The following CCDC170 variants were observed in gnomAD, a reference collection of about 807,000 sequenced individuals.
CCDC170 encodes coiled-coil domain containing 170, also known as coiled-coil domain-containing protein 170.
CCDC170 carries 69 observed loss-of-function variants against 72.6 expected under a neutral mutation model. The observed-to-expected ratio is 0.95, with a 90% CI of 0.78 to 1.16. The LOEUF is 1.16. Among genes scored for constraint, CCDC170 ranks in the 50% most tolerant of loss-of-function variants. The pLI is 0.00. For synonymous variants in CCDC170, 300 were observed against 303.9 expected (o/e 0.99, Z 0.13); for missense variants, 852 against 832.5 (o/e 1.02, Z -0.29).
chr6:151,541,886 ATTT>A (rs547158203), intron 3 of CCDC170, among the ~76,000 whole-genome samples: 2 of 137,156 alleles, frequency 1.5e-5, no homozygotes, highest in African/African-American at 2.8e-5. Flanking sequence ...ATATATATAT[ATTT>A]TTTTTTTTAA....
intron 5 of CCDC170, among the ~76,000 whole-genome samples, chr6:151,550,752 C>T (rs1453763738): frequency 6.6e-6 from 1 of 152,174 alleles, no homozygotes; most frequent in Non-Finnish European, 1.5e-5. Flanking sequence ...ATGTAGATGG[C>T]TGCCTTCTCC....
intron 6 of CCDC170, among the ~76,000 whole-genome samples, chr6:151,574,838 G>T (rs759721257): frequency 2.0e-4 from 31 of 152,174 alleles, no homozygotes; most frequent in Non-Finnish European, 4.1e-4. Flanking sequence ...TTGTTATAAA[G>T]ATCTTAACTC....
At chr6:151,612,422 A>T (rs765476810) in intron 9 of CCDC170, among the ~76,000 whole-genome samples, 2 of 152,202 alleles carry the variant, frequency 1.3e-5, no homozygotes, top group Non-Finnish European at 2.9e-5. Flanking sequence ...TTTTATTATC[A>T]TCAGTAAAAA....
chr6:151,519,435 G>A (rs369318032), intron 1 of CCDC170, among the ~76,000 whole-genome samples: 4 of 152,168 alleles, frequency 2.6e-5, no homozygotes, highest in East Asian at 3.9e-4. Context: ...TCTTTTTCAA[G>A]GTGCACTGAT....
At chr6:151,567,720 C>G (rs937603522) in intron 5 of CCDC170, among the ~76,000 whole-genome samples, 1 of 152,244 alleles carries the variant, frequency 6.6e-6, no homozygotes, top group African/African-American at 2.4e-5. Context: ...ACATCTGTAG[C>G]CTGTTCCTTC....
chr6:151,586,092 A>G lies in CCDC170; in HGVS notation c.1293+3A>G, dbSNP rs200680054. ...ACTTGAATTTTGAGAAACAAAAAGTAATGACCCGAGGGCATGTCCATGAGT... is the reference window on the plus strand; with the variant it reads ...ACTTGAATTTTGAGAAACAAAAAGTGATGACCCGAGGGCATGTCCATGAGT... On this transcript the variant is annotated splice_donor_region_variant and intron_variant, in intron 7 of 10. Transcript: ENST00000239374. 5.9e-4 allele frequency: 953 copies of G among 1,613,964 alleles called. No individual in the cohort carries two copies. Among genetic ancestry groups the G allele is most frequent in the Non-Finnish European group, 7.1e-4 (838 of 1,179,894 alleles).
rs1213267537 is a variant in CCDC170 at position 151,572,649 on chromosome 6, G to GTTTTTTTTTTTTTTTTTTTTTTTT, written c.775-505_775-504insTTTTTTTTTTTTTTTTTTTTTTTT. Among the ~76,000 whole-genome samples, 62 of 37,966 alleles carry GTTTTTTTTTTTTTTTTTTTTTTTT rather than the reference G, an allele frequency of 1.6e-3. 7 individuals carry two copies. Among genetic ancestry groups the GTTTTTTTTTTTTTTTTTTTTTTTT allele is most frequent in the African/African-American group, 5.8e-3 (47 of 8,148 alleles). The allele number at this position is 37,966 out of a possible 152,430, so 24.9% of individuals were successfully genotyped here. A position where few individuals can be genotyped will look rare whatever the true frequency, so the allele number is the denominator to read the frequency against. On this transcript the variant is annotated intron_variant, in intron 5 of 10. Transcript: ENST00000239374. The stretch of plus-strand genomic sequence containing the variant: ...TTTATATTTTATATCCCTTCTCTGT[G>GTTTTTTTTTTTTTTTTTTTTTTTT]TTTTTTTTTTTTTTTTTTTTGATGG...
At chr6:151,526,601 C>T (rs1417883265) in intron 1 of CCDC170, among the ~76,000 whole-genome samples, 7 of 151,394 alleles carry the variant, frequency 4.6e-5, no homozygotes, top group Non-Finnish European at 7.4e-5. Context: ...CTGCAAACTC[C>T]GCCTCCTGGG....
intron 5 of CCDC170, among the ~76,000 whole-genome samples, chr6:151,560,132 G>C (rs1427075053): frequency 6.6e-6 from 1 of 152,040 alleles, no homozygotes; most frequent in Non-Finnish European, 1.5e-5. Flanking sequence ...TACTTTTGCT[G>C]TATCCCAGAG....
chr6:151,574,820 G>GA (rs997531746), intron 6 of CCDC170, among the ~76,000 whole-genome samples: 2 of 152,202 alleles, frequency 1.3e-5, no homozygotes, highest in East Asian at 1.9e-4. Flanking sequence ...TGTATTGAAT[G>GA]AAAAAAATTG....
At chr6:151,539,483 G>A (rs1320183533) in intron 3 of CCDC170, among the ~76,000 whole-genome samples, 3 of 152,074 alleles carry the variant, frequency 2.0e-5, no homozygotes, top group Admixed American at 6.6e-5. Flanking sequence ...ACATGCCTAG[G>A]TTTTTTCTTT....
chr6:151,580,766 A>G (rs180914777), intron 6 of CCDC170, among the ~76,000 whole-genome samples: 2 of 152,164 alleles, frequency 1.3e-5, no homozygotes, highest in East Asian at 3.9e-4. Flanking sequence ...CAGGTGGTCT[A>G]ACCTTCCTCA....
rs547768260 is a variant in CCDC170, at chr6:151,553,655, G to A, written c.774+5166G>A. Reference sequence around the variant, plus strand: ...TTATATAAGTGTCTTCACTTGTAATGACTGATGCAATGTTGTTCAGACTTT... The same window carrying A: ...TTATATAAGTGTCTTCACTTGTAATAACTGATGCAATGTTGTTCAGACTTT... On this transcript the variant is annotated intron_variant, in intron 5 of 10. Coordinates refer to ENST00000239374, the MANE Select transcript of CCDC170 (RefSeq NM_025059.4). 2.1e-3 allele frequency among the ~76,000 whole-genome samples: 316 copies of A among 152,136 alleles called. 4 individuals are homozygous for A. Among genetic ancestry groups the A allele is most frequent in the African/African-American group, 7.4e-3 (307 of 41,502 alleles).
chr6:151,535,747 G>GT (rs1158790474), intron 1 of CCDC170, among the ~76,000 whole-genome samples: 4 of 151,744 alleles, frequency 2.6e-5, no homozygotes, highest in Admixed American at 6.6e-5. Flanking sequence ...ATCTTTTTTT[G>GT]TTTTTTTGTT....
chr6:151,606,373 G>A (rs1266960757), intron 9 of CCDC170, among the ~76,000 whole-genome samples: 1 of 151,856 alleles, frequency 6.6e-6, no homozygotes, highest in Non-Finnish European at 1.5e-5. Flanking sequence ...TTTCTTCCTT[G>A]ACTCCATTTG....
chr6:151,612,072 A>G (rs1776881941), intron 9 of CCDC170, among the ~76,000 whole-genome samples: 1 of 152,212 alleles, frequency 6.6e-6, no homozygotes, highest in Non-Finnish European at 1.5e-5. Context: ...ATTTAGTGAT[A>G]TCACACAAAA....
At chr6:151,580,449 C>T (rs1298982456) in intron 6 of CCDC170, among the ~76,000 whole-genome samples, 1 of 151,962 alleles carries the variant, frequency 6.6e-6, no homozygotes, top group Non-Finnish European at 1.5e-5. Context: ...CACTGTTTCT[C>T]TTGCGTTAAG....
chr6:151,569,919 A>C lies in CCDC170; in HGVS notation c.775-3255A>C, dbSNP rs1776195172. Among the ~76,000 whole-genome samples, 3 of 152,072 alleles carry C rather than the reference A, an allele frequency of 2.0e-5. No individual in the cohort carries two copies. The South Asian group carries it at 6.2e-4, about 32-fold the overall frequency. On this transcript the variant is annotated intron_variant, in intron 5 of 10. Transcript: ENST00000239374. ...AATGTGCCTGAAAAAGAGAAACCCAACTTGCTCACAGACACCATTGTATTC... is the reference window on the plus strand; with the variant it reads ...AATGTGCCTGAAAAAGAGAAACCCACCTTGCTCACAGACACCATTGTATTC...
rs1471514599 is a variant in CCDC170 at position 151,515,006 on chromosome 6, A to G, written c.57+20821A>G. Among the ~76,000 whole-genome samples, 5 of 152,226 alleles carry G rather than the reference A, an allele frequency of 3.3e-5. No homozygotes were observed. The East Asian group carries it at 7.7e-4, about 23-fold the overall frequency. On this transcript the variant is annotated intron_variant, in intron 1 of 10. Coordinates refer to ENST00000239374, the MANE Select transcript of CCDC170 (RefSeq NM_025059.4). ...CCTGGTCTCTGCAAGAAACTGGATC[A>G]AGGTGATGAGGAATGCACTCTTAAT... is the stretch of plus-strand genomic sequence containing the variant.
Sources: allele counts gnomAD v4.1 joint callset (sites outside exome capture counted in the v4.1 genomes callset), GRCh38; gene constraint gnomAD v4.1.1; transcripts MANE v1.5; gene names NCBI Gene and HGNC (gene_info 2026-07-23, HGNC 2026-07-21).